NIBAN1: variants seen among roughly 807,000 people sequenced by gnomAD.
NIBAN1 encodes the protein niban apoptosis regulator 1, also known as protein Niban 1.
NIBAN1 carries 81 observed loss-of-function variants against 75.1 expected under a neutral mutation model. The observed-to-expected ratio is 1.08, with a 90% CI of 0.90 to 1.30. The LOEUF is 1.30. Among genes scored for constraint, NIBAN1 ranks in the 50% most tolerant of loss-of-function variants. The pLI, the probability that NIBAN1 is intolerant of heterozygous loss-of-function variation, is 0.00. For synonymous variants in NIBAN1, 436 were observed against 424.8 expected, an observed-to-expected ratio of 1.03 and a Z score of -0.32; for missense variants, 1,133 against 1,128.1, an observed-to-expected ratio of 1.00 and a Z score of -0.06.
chr1:184,897,644 T>C (rs771884670), intron 2 of NIBAN1, among the ~76,000 whole-genome samples: 36 of 152,204 alleles, frequency 2.4e-4, no homozygotes, highest in Non-Finnish European at 5.0e-4. Context: ...TAATGGCCTA[T>C]TCAACATTTC....
At chr1:184,861,815 G>A (rs973605998) in intron 5 of NIBAN1, among the ~76,000 whole-genome samples, 7 of 151,740 alleles carry the variant, frequency 4.6e-5, no homozygotes, top group African/African-American at 1.7e-4. Flanking sequence ...GAGAGAGAAG[G>A]AGGGAGGGAA....
intron 6 of NIBAN1, among the ~76,000 whole-genome samples, chr1:184,829,552 C>T (rs1440928914): frequency 2.0e-5 from 3 of 150,454 alleles, no homozygotes; most frequent in Admixed American, 6.6e-5. Context: ...CTGCAACCTC[C>T]GCCTCCCAGG....
At chr1:184,914,355 C>T (rs1316693688) in intron 1 of NIBAN1, among the ~76,000 whole-genome samples, 1 of 152,102 alleles carries the variant, frequency 6.6e-6, no homozygotes, top group Non-Finnish European at 1.5e-5. Context: ...ATAAACATTC[C>T]AAGAAAGGTT....
chr1:184,915,890 C>CT (rs1275948404), intron 1 of NIBAN1, among the ~76,000 whole-genome samples: 12 of 152,166 alleles, frequency 7.9e-5, no homozygotes, highest in African/African-American at 2.9e-4. Flanking sequence ...TAAAGAATGG[C>CT]TTGTTGGCAA....
chr1:184,797,985 T>G (rs1259913057), intron 13 of NIBAN1, 94 bp downstream of exon 13: 7 of 642,768 alleles, frequency 1.1e-5, no homozygotes, highest in Non-Finnish European at 1.5e-5. Context: ...CCATTTCCTC[T>G]TCTCTTTTCC....
At chr1:184,967,803 T>C (rs1261945416) in intron 1 of NIBAN1, among the ~76,000 whole-genome samples, 2 of 152,222 alleles carry the variant, frequency 1.3e-5, no homozygotes, top group African/African-American at 2.4e-5. Context: ...AAGGCTTGTA[T>C]TAGAAGCCAC....
intron 11 of NIBAN1, 45 bp from the exon 12 acceptor site, chr1:184,803,737 T>C (rs765418484): frequency 7.0e-6 from 11 of 1,561,222 alleles, no homozygotes; most frequent in Non-Finnish European, 9.7e-6. Flanking sequence ...TTACAATCTG[T>C]TGACTTATGT....
Position 184,928,877 on chromosome 1 carries a change from G to A in NIBAN1, c.56-29568C>T, listed in dbSNP as rs758553748. Among the ~76,000 whole-genome samples, 6 of 152,034 alleles carry A rather than the reference G, an allele frequency of 3.9e-5. No homozygotes were observed. In the East Asian group the frequency reaches 5.8e-4, roughly 15 times the overall value. On this transcript the variant is annotated intron_variant, in intron 1 of 13. Coordinates refer to ENST00000367511, the MANE Select transcript of NIBAN1 (RefSeq NM_052966.4). ...TGGTGTTCCTGCAGGGAGGAAAATC[G>A]CTGGAGGCTTCTATTAGGCCATCTT... is the stretch of plus-strand genomic sequence containing the variant.
At chr1:184,904,370 C>T (rs1219170779) in intron 1 of NIBAN1, among the ~76,000 whole-genome samples, 1 of 152,158 alleles carries the variant, frequency 6.6e-6, no homozygotes, top group African/African-American at 2.4e-5. Flanking sequence ...CAGATATTTC[C>T]TTATAGCAAC....
chr1:184,915,276 C>A (rs1475328699), intron 1 of NIBAN1, among the ~76,000 whole-genome samples: 2 of 152,162 alleles, frequency 1.3e-5, no homozygotes, highest in African/African-American at 4.8e-5. Flanking sequence ...CAATATCTTC[C>A]TCCAGGAGAT....
At chr1:184,887,758 GT>G (rs930477526) in intron 4 of NIBAN1, 3 of 152,172 alleles carry the variant, frequency 2.0e-5, no homozygotes, top group African/African-American at 7.2e-5. Flanking sequence ...AAAACTTTGA[GT>G]TTTTTATTGT....
chr1:184,895,877 G>A (rs976359312), intron 2 of NIBAN1, among the ~76,000 whole-genome samples: 1 of 152,138 alleles, frequency 6.6e-6, no homozygotes, highest in Non-Finnish European at 1.5e-5. Flanking sequence ...CCATGTTGTT[G>A]CAAAGGGTAT....
chr1:184,873,685 C>A (rs1203331758), intron 5 of NIBAN1, among the ~76,000 whole-genome samples: 1 of 152,160 alleles, frequency 6.6e-6, no homozygotes, highest in Non-Finnish European at 1.5e-5. Flanking sequence ...CAATTTATTA[C>A]TTTTGTTAAA....
intron 1 of NIBAN1, among the ~76,000 whole-genome samples, chr1:184,952,366 A>T (rs772378103): frequency 1.3e-5 from 2 of 152,058 alleles, no homozygotes; most frequent in Non-Finnish European, 2.9e-5. Context: ...GCACCACTAC[A>T]CTCCAGCCTG....
At chr1:184,903,733 CTTTTTTTTTT>C (rs368105582) in intron 1 of NIBAN1, among the ~76,000 whole-genome samples, 1 of 99,922 alleles carries the variant, frequency 1.0e-5, no homozygotes, top group Non-Finnish European at 1.9e-5. Flanking sequence ...CCGATTAAAC[CTTTTTTTTTT>C]TTTTTTTTTT....
chr1:184,965,764 T>A (rs1658768390), intron 1 of NIBAN1, among the ~76,000 whole-genome samples: 1 of 152,138 alleles, frequency 6.6e-6, no homozygotes, highest in African/African-American at 2.4e-5. Flanking sequence ...CGTTTCCCTA[T>A]GTAACAAACC....
intron 1 of NIBAN1, among the ~76,000 whole-genome samples, chr1:184,915,105 A>T (rs1327220791): frequency 1.3e-5 from 2 of 152,208 alleles, no homozygotes; most frequent in Non-Finnish European, 2.9e-5. Context: ...TCATGTCTTC[A>T]TCTTAAAATA....
At chr1:184,835,748 G>C (rs1299322378) in intron 5 of NIBAN1, among the ~76,000 whole-genome samples, 1 of 152,252 alleles carries the variant, frequency 6.6e-6, no homozygotes, top group Non-Finnish European at 1.5e-5. Flanking sequence ...TTGGGGCTGA[G>C]ACAATGGGGT....
At chr1:184,918,077 T>C (rs1657441412) in intron 1 of NIBAN1, among the ~76,000 whole-genome samples, 1 of 152,118 alleles carries the variant, frequency 6.6e-6, no homozygotes, top group Non-Finnish European at 1.5e-5. Context: ...GAATAACTCC[T>C]TGTGAAAGTC....
Sources: allele counts gnomAD v4.1 joint callset (sites outside exome capture counted in the v4.1 genomes callset), GRCh38; gene constraint gnomAD v4.1.1; transcripts MANE v1.5; gene names NCBI Gene and HGNC (gene_info 2026-07-23, HGNC 2026-07-21).